Variants in SLC14A2 observed in about 807,000 individuals in gnomAD.
The protein encoded by SLC14A2 is urea transporter 2.
In SLC14A2, 91 loss-of-function variants were observed where a neutral mutation model predicts 104.6. The observed-to-expected ratio is 0.87, with a 90% CI of 0.73 to 1.04. SLC14A2 has a LOEUF of 1.04. SLC14A2 is among the 50% of genes least tolerant of loss of function. The pLI is 0.00. For missense variants in SLC14A2, 1,189 were observed against 1,156.0 expected (o/e 1.03, Z -0.41); for synonymous variants, 476 against 466.4 (o/e 1.02, Z -0.27).
At chr18:45,260,911 G>A (rs1422194926) in intron 1 of SLC14A2, among the ~76,000 whole-genome samples, 1 of 152,054 alleles carries the variant, frequency 6.6e-6, no homozygotes, top group Non-Finnish European at 1.5e-5. Flanking sequence ...CAGGGTAACA[G>A]GACCATCCGT....
intron 1 of SLC14A2, among the ~76,000 whole-genome samples, chr18:45,477,106 T>A (rs983013949): frequency 2.0e-5 from 3 of 152,234 alleles, no homozygotes; most frequent in Non-Finnish European, 4.4e-5. Context: ...TTTTTCCTCA[T>A]CTTCATGGAT....
chr18:45,389,335 C>A (rs1408485333), intron 1 of SLC14A2, among the ~76,000 whole-genome samples: 1 of 152,162 alleles, frequency 6.6e-6, no homozygotes, highest in Non-Finnish European at 1.5e-5. Context: ...CTACAGAATC[C>A]ATCTACATCA....
At chr18:45,498,558 C>T (rs2043139053) in intron 2 of SLC14A2, among the ~76,000 whole-genome samples, 2 of 152,174 alleles carry the variant, frequency 1.3e-5, no homozygotes, top group African/African-American at 2.4e-5. Context: ...CTCACACTCC[C>T]TCTGTATCTT....
chr18:45,193,168 T>G, the SLC14A2 span, among the ~76,000 whole-genome samples: 2 of 152,222 alleles, frequency 1.3e-5, no homozygotes, highest in African/African-American at 2.4e-5. Context: ...GCCAATATTT[T>G]CTCCCAATCT....
intron 1 of SLC14A2, among the ~76,000 whole-genome samples, chr18:45,413,137 G>T (rs2086232485): frequency 6.6e-6 from 1 of 152,158 alleles, no homozygotes; most frequent in Non-Finnish European, 1.5e-5. Flanking sequence ...TCCAGGAGGG[G>T]AGCCAATGCT....
At chr18:45,209,112 G>A (rs1268415221), upstream of SLC14A2, among the ~76,000 whole-genome samples, 4 of 148,988 alleles carry the variant, frequency 2.7e-5, no homozygotes, top group Non-Finnish European at 4.5e-5. Context: ...TGAGGCGGGC[G>A]GATCATGAGG....
chr18:45,666,602 T>TAAAAAAAAAAAAAAAAAAAAAA (rs5824604), intron 12 of SLC14A2, among the ~76,000 whole-genome samples: 1 of 146,010 alleles, frequency 6.8e-6, no homozygotes, highest in Non-Finnish European at 1.5e-5. Context: ...GTATTAATGT[T>TAAAAAAAAAAAAAAAAAAAAAA]AAAAAAAAAA....
At chr18:45,192,634 G>GTTTTTTTTTTT in the SLC14A2 span, among the ~76,000 whole-genome samples, 2 of 112,532 alleles carry the variant, frequency 1.8e-5, no homozygotes, top group South Asian at 3.0e-4. Context: ...GTGTGTGTGT[G>GTTTTTTTTTTT]TGGTTTTTTT....
chr18:45,319,833 T>C (rs891041734), intron 1 of SLC14A2, among the ~76,000 whole-genome samples: 2 of 152,224 alleles, frequency 1.3e-5, no homozygotes, highest in African/African-American at 4.8e-5. Context: ...GGTATATTAT[T>C]GTTTTTTTCC....
chr18:45,655,006 G>A (rs919882552), intron 10 of SLC14A2, among the ~76,000 whole-genome samples: 4 of 152,130 alleles, frequency 2.6e-5, no homozygotes, highest in Admixed American at 1.3e-4. Context: ...CAGCTTCCAC[G>A]GAAGATGCTT....
At position 45,569,562 on chromosome 18, in the gene SLC14A2, A is replaced by ATATC. The variant is rs541274849; in HGVS notation, c.-34-55067_-34-55064dup. ...CCAGCATTAGCCATCTCACAACAAT[A>ATATC]TATCTGGGAAATCAATATTCTATGA... On this transcript the variant is annotated intron_variant, in intron 2 of 20. Transcript: ENST00000586448. 4.6e-5 allele frequency among the ~76,000 whole-genome samples: 7 copies of ATATC among 152,326 alleles called. No individual in the cohort carries two copies. In the South Asian group the frequency reaches 1.2e-3, roughly 27 times the overall value.
chr18:45,444,726 C>T (rs2086735680), intron 1 of SLC14A2, among the ~76,000 whole-genome samples: 1 of 152,110 alleles, frequency 6.6e-6, no homozygotes, highest in African/African-American at 2.4e-5. Flanking sequence ...AGAAATCATG[C>T]CATCATCTCT....
chr18:45,308,350 C>T (rs2085045048), intron 1 of SLC14A2, among the ~76,000 whole-genome samples: 1 of 152,222 alleles, frequency 6.6e-6, no homozygotes, highest in South Asian at 2.1e-4. Context: ...TGTTCAAGGT[C>T]ATCACCTATT....
chr18:45,569,224 C>A (rs759914175), intron 2 of SLC14A2, among the ~76,000 whole-genome samples: 1 of 152,226 alleles, frequency 6.6e-6, no homozygotes, highest in East Asian at 1.9e-4. Context: ...CCCATCCTTA[C>A]CTCCAGTCTG....
chr18:45,337,179 G>A (rs995983517), intron 1 of SLC14A2, among the ~76,000 whole-genome samples: 1 of 152,132 alleles, frequency 6.6e-6, no homozygotes, highest in African/African-American at 2.4e-5. Context: ...AGGCTTGGAA[G>A]GATGAGAATA....
chr18:45,617,672 G>A (rs1297714339), intron 1 of SLC14A2, among the ~76,000 whole-genome samples: 6 of 152,066 alleles, frequency 3.9e-5, no homozygotes, highest in Non-Finnish European at 7.4e-5. Context: ...TGATCTCCCT[G>A]ATGTGTGATC....
chr18:45,350,382 A>G (rs1188632212), intron 1 of SLC14A2, among the ~76,000 whole-genome samples: 1 of 152,182 alleles, frequency 6.6e-6, no homozygotes, highest in Non-Finnish European at 1.5e-5. Context: ...AAACACACTC[A>G]TAGCTCAAGG....
At chr18:45,264,990 A>G (rs1049950549) in intron 1 of SLC14A2, among the ~76,000 whole-genome samples, 1 of 152,300 alleles carries the variant, frequency 6.6e-6, no homozygotes, top group East Asian at 1.9e-4. Flanking sequence ...GAATATCCAG[A>G]AAAGGATGGT....
intron 2 of SLC14A2, among the ~76,000 whole-genome samples, chr18:45,488,588 A>C (rs1183218474): frequency 6.6e-6 from 1 of 152,248 alleles, no homozygotes; most frequent in African/African-American, 2.4e-5. Context: ...GGTGGACTAC[A>C]GCTTTGGGTC....
Sources: gnomAD v4.1 joint callset for allele counts (sites outside exome capture counted in the v4.1 genomes callset) on GRCh38, gnomAD v4.1.1 for gene constraint, MANE v1.5 for transcripts, NCBI Gene and HGNC (gene_info 2026-07-23, HGNC 2026-07-21) for gene names.